Variants in APOBEC3D observed in about 807,000 individuals in gnomAD.
APOBEC3D encodes apolipoprotein B mRNA editing enzyme catalytic subunit 3D.
Under a neutral mutation model 45.6 loss-of-function variants are expected in APOBEC3D, and 37 were observed. The ratio of observed to expected loss-of-function variants is 0.81; its 90% CI spans 0.62 to 1.07. APOBEC3D has a LOEUF of 1.07. Among genes scored for constraint, APOBEC3D ranks in the 50% least tolerant of loss-of-function variants. The pLI, the probability that APOBEC3D is intolerant of heterozygous loss-of-function variation, is 0.00. For synonymous variants in APOBEC3D, 175 were observed against 180.7 expected (o/e 0.97, Z 0.25); for missense variants, 496 against 495.3 (o/e 1.00, Z -0.01).
intron 4 of APOBEC3D, among the ~76,000 whole-genome samples, chr22:39,025,981 G>A (rs376643764): frequency 5.8e-4 from 88 of 152,150 alleles, no homozygotes; most frequent in African/African-American, 2.0e-3. Context: ...AACCGAATTT[G>A]TCATAAAACT....
chr22:39,028,762 C>G (rs1281214138), intron 4 of APOBEC3D, among the ~76,000 whole-genome samples: 1 of 152,080 alleles, frequency 6.6e-6, no homozygotes, highest in East Asian at 1.9e-4. Context: ...GGTGAAACCC[C>G]GTCTCTACTA....
chr22:39,025,815 A>C (rs1761158621), intron 4 of APOBEC3D, 144 bp downstream of exon 4: 1 of 1,483,910 alleles, frequency 6.7e-7, no homozygotes, highest in African/African-American at 1.5e-5. Flanking sequence ...CACACTCCTC[A>C]TGCTCCCTCC....
At chr22:39,025,796 C>T (rs1219288872) in intron 4 of APOBEC3D, 125 bp downstream of exon 4, 107 of 1,548,422 alleles carry the variant, frequency 6.9e-5, no homozygotes, top group Non-Finnish European at 9.0e-5. Flanking sequence ...ATGGTTACAC[C>T]CCCTCACCCA....
Position 39,032,391 on chromosome 22 carries a change from C to T in APOBEC3D, c.*75C>T. The T allele has an allele frequency of 1.9e-6, 3 of 1,578,872 alleles. No homozygotes were observed. The highest frequency in any genetic ancestry group is 2.6e-6 in the Non-Finnish European group (3 of 1,164,158). The stretch of plus-strand genomic sequence containing the variant: ...CTGCACGGGCCTCCCCTCCATCCTG[C>T]ACCAGCTGTGCTTTTGCCTGGTCAT... On this transcript the variant is annotated 3_prime_UTR_variant, in exon 7 of 7. Transcript: ENST00000216099.
intron 2 of APOBEC3D, among the ~76,000 whole-genome samples, chr22:39,023,601 C>T (rs750217191): frequency 1.3e-4 from 20 of 151,742 alleles, no homozygotes; most frequent in South Asian, 2.1e-4. Flanking sequence ...TGCACGCCAC[C>T]GTGCCCAGCT....
intron 4 of APOBEC3D, among the ~76,000 whole-genome samples, chr22:39,029,057 T>C (rs1409201962): frequency 6.6e-6 from 1 of 152,242 alleles, no homozygotes; most frequent in Non-Finnish European, 1.5e-5. Context: ...AAGAGTTTTA[T>C]TCTCTGTTGC....
chr22:39,021,683 G>A, intron 1 of APOBEC3D, 147 bp downstream of exon 1: 1 of 1,157,218 alleles, frequency 8.6e-7, no homozygotes, highest in Non-Finnish European at 1.3e-6. Flanking sequence ...CTCCCAGCCA[G>A]ACTCCTTGCC....
chr22:39,025,265 T>A lies in APOBEC3D; in HGVS notation c.406T>A (p.Tyr136Asn), dbSNP rs1170163554. The part of the protein sequence containing the change: ...VTLTISAARL[Y>N]YYRDRDWRWV... ...CCTGACCATCTCTGCCGCCCGCCTC[T>A]ACTACTACCGGGATAGAGATTGGCG... Residue 136 changes from tyrosine (Y) to asparagine (N), a missense_variant, in exon 3 of 7, where the codon TAC becomes AAC. Transcript: ENST00000216099. The A allele has an allele frequency of 6.2e-7, 1 of 1,614,092 alleles. No homozygotes were observed. Among genetic ancestry groups the A allele is most frequent in the African/African-American group, 1.3e-5 (1 of 75,012 alleles).
chr22:39,027,660 T>C (rs1046706253), intron 4 of APOBEC3D, among the ~76,000 whole-genome samples: 1 of 152,182 alleles, frequency 6.6e-6, no homozygotes, highest in South Asian at 2.1e-4. Flanking sequence ...CCACTGCCCG[T>C]TCTGCCCATG....
chr22:39,025,996 G>C (rs111354356), intron 4 of APOBEC3D, among the ~76,000 whole-genome samples: 3 of 152,194 alleles, frequency 2.0e-5, no homozygotes, highest in African/African-American at 7.2e-5. Context: ...AAAACTGGAC[G>C]TAGTAAGTGG....
Position 39,032,361 on chromosome 22 carries a change from T to A in APOBEC3D, c.*45T>A. ...TGGTCTGTCTCTTCTAGCCTCCTGC[T>A]CATGCTGCACGGGCCTCCCCTCCAT... On this transcript the variant is annotated 3_prime_UTR_variant, in exon 7 of 7. Transcript: ENST00000216099. The A allele has an allele frequency of 6.2e-7, 1 of 1,607,744 alleles. No homozygotes were observed. The highest frequency in any genetic ancestry group is 1.7e-5 in the Admixed American group (1 of 59,210).
intron 1 of APOBEC3D, among the ~76,000 whole-genome samples, chr22:39,022,144 T>C (rs980564412): frequency 1.3e-5 from 2 of 152,222 alleles, no homozygotes; most frequent in Non-Finnish European, 2.9e-5. Context: ...GGAGAAATGC[T>C]CTTATTTTAA....
At position 39,022,899 on chromosome 22, in the gene APOBEC3D, A is replaced by G; in HGVS notation, c.95A>G (p.Tyr32Cys). ...ENEPILYGRS[Y>C]TWLCYEVKIK... is the part of the protein sequence containing the mutation. The stretch of plus-strand genomic sequence containing the variant: ...GAACCCATCCTCTATGGTCGGAGCT[A>G]CACTTGGCTGTGCTATGAAGTGAAA... Residue 32 changes from tyrosine (Y) to cysteine (C), a missense_variant, in exon 2 of 7, where the codon TAC becomes TGC. Coordinates refer to ENST00000216099, the MANE Select transcript of APOBEC3D (RefSeq NM_152426.4). 6.2e-7 allele frequency: 1 copy of G among 1,613,660 alleles called. No individual in the cohort carries two copies. The highest frequency in any genetic ancestry group is 8.5e-7 in the Non-Finnish European group (1 of 1,179,978).
chr22:39,029,641 C>CTT (rs11440048), intron 5 of APOBEC3D, 122 bp downstream of exon 5: 22,140 of 943,460 alleles, frequency 0.023, no homozygotes, highest in East Asian at 0.035. Context: ...ACATTTCTTT[C>CTT]TTTTTTTTTT....
rs762726766 is a variant in APOBEC3D at position 39,032,553 on chromosome 22, A to C, written c.*237A>C. ...CTGTTCCCCCAGCCTGGGTGCCCCT[A>C]ACTTGACTCTTCCCATCTCCCCAGC... is the stretch of plus-strand genomic sequence containing the variant. On this transcript the variant is annotated 3_prime_UTR_variant, in exon 7 of 7. Coordinates refer to ENST00000216099, the MANE Select transcript of APOBEC3D (RefSeq NM_152426.4). 2.4e-6 allele frequency: 3 copies of C among 1,246,438 alleles called. No individual in the cohort carries two copies. The highest frequency in any genetic ancestry group is 3.0e-6 in the Non-Finnish European group (3 of 995,180). 77.2% of individuals were successfully genotyped at this position (1,246,438 alleles called of 1,614,324 possible).
rs1274018641 is a variant in APOBEC3D at position 39,021,352 on chromosome 22, C to T, written c.-168C>T. 14 of 795,180 alleles carry T rather than the reference C, an allele frequency of 1.8e-5. No individual in the cohort carries two copies. The highest frequency in any genetic ancestry group is 3.5e-5 in the African/African-American group (2 of 57,820). 49.3% of individuals were successfully genotyped at this position (795,180 alleles called of 1,614,324 possible). A position where few individuals can be genotyped will look rare whatever the true frequency, so the allele number is the denominator to read the frequency against. ...CGAACTCCTGACCTCGTGATCCGCC[C>T]GCCTCGGCCTCCCAAAGTGCTGGGA... On this transcript the variant is annotated 5_prime_UTR_variant, in exon 1 of 7. Transcript: ENST00000216099.
At chr22:39,030,282 C>G in intron 5 of APOBEC3D, among the ~76,000 whole-genome samples, 1 of 125,426 alleles carries the variant, frequency 8.0e-6, no homozygotes. Flanking sequence ...CCTGCCGTGT[C>G]CCACCCAACC....
In APOBEC3D at chr22:39,021,151, AG is replaced by A. The variant is rs1277664265; in HGVS notation, c.-367del. ...GAGAGGAAGCCTCGCTCTCTCACCCAGGCTGGAGTGCAGTGGCAGGAACTTG... is the reference window on the plus strand; with the variant it reads ...GAGAGGAAGCCTCGCTCTCTCACCCAGCTGGAGTGCAGTGGCAGGAACTTG... On this transcript the variant is annotated 5_prime_UTR_variant, in exon 1 of 7. Transcript: ENST00000216099. 1 of 158,160 alleles carries A rather than the reference AG, an allele frequency of 6.3e-6. No homozygotes were observed. Among genetic ancestry groups the A allele is most frequent in the African/African-American group, 2.7e-5 (1 of 37,280 alleles). 9.8% of individuals were successfully genotyped at this position (158,160 alleles called of 1,614,324 possible). A position where few individuals can be genotyped will look rare whatever the true frequency, so the allele number is the denominator to read the frequency against.
intron 4 of APOBEC3D, among the ~76,000 whole-genome samples, chr22:39,028,710 T>C (rs1395888745): frequency 6.6e-6 from 1 of 152,036 alleles, no homozygotes; most frequent in East Asian, 1.9e-4. Flanking sequence ...CCGAGGTGGG[T>C]GGATCACAAG....
Sources: allele counts gnomAD v4.1 joint callset (sites outside exome capture counted in the v4.1 genomes callset), GRCh38; gene constraint gnomAD v4.1.1; transcripts MANE v1.5; gene names NCBI Gene and HGNC (gene_info 2026-07-23, HGNC 2026-07-21).